LRBA: variants seen among roughly 807,000 people sequenced by gnomAD.
LRBA encodes LPS responsive beige-like anchor protein, also known as lipopolysaccharide-responsive and beige-like anchor protein.
In LRBA, 176 loss-of-function variants were observed where a neutral mutation model predicts 330.0. That is an observed-to-expected ratio of 0.53 (90% CI 0.47 to 0.60). The LOEUF (loss-of-function observed/expected upper bound fraction) is 0.60. Ranked by LOEUF, LRBA falls within the 20% of genes least tolerant of loss-of-function variation. The probability of loss-of-function intolerance (pLI) is 0.00; values close to 1 mark genes in which losing one functional copy is unlikely to be tolerated. For missense variants in LRBA, 3,259 were observed against 3,444.8 expected (o/e 0.95, Z 1.35); for synonymous variants, 1,230 against 1,193.0 (o/e 1.03, Z -0.64).
intron 42 of LRBA, among the ~76,000 whole-genome samples, chr4:150,481,992 T>C (rs1757354301): frequency 6.6e-6 from 1 of 152,144 alleles, no homozygotes; most frequent in African/African-American, 2.4e-5. Context: ...CTATACATCC[T>C]CATTAACTTT....
At chr4:150,809,864 C>CGATAT (rs1388499574) in intron 31 of LRBA, among the ~76,000 whole-genome samples, 6 of 39,704 alleles carry the variant, frequency 1.5e-4, no homozygotes, top group African/African-American at 6.3e-4. Context: ...CGATACGATA[C>CGATAT]GATACGATAC....
At chr4:150,547,184 G>A (rs569686431) in intron 40 of LRBA, among the ~76,000 whole-genome samples, 1 of 152,154 alleles carries the variant, frequency 6.6e-6, no homozygotes, top group African/African-American at 2.4e-5. Flanking sequence ...AATGAAATCT[G>A]AAACCTACTC....
intron 16 of LRBA, among the ~76,000 whole-genome samples, chr4:150,893,942 T>C (rs918460236): frequency 6.6e-6 from 1 of 152,356 alleles, no homozygotes; most frequent in African/African-American, 2.4e-5. Context: ...TCCAAAGTGC[T>C]GGGATTACAG....
rs529401168 is a variant in LRBA, at chr4:151,009,935, G to A, written c.216+4492C>T. 1.7e-4 allele frequency among the ~76,000 whole-genome samples: 26 copies of A among 152,016 alleles called. No homozygotes were observed. In the East Asian group the frequency reaches 3.1e-3, roughly 18 times the overall value. ...GCGGACCTTGCAGTGAGCCGAGATC[G>A]CGCCACTGCACTCCAGCATGGGGGA... On this transcript the variant is annotated intron_variant, in intron 2 of 56. Coordinates refer to ENST00000651943, the MANE Select transcript of LRBA (RefSeq NM_001364905.1).
At chr4:150,830,856 C>A (rs2126822664) in intron 29 of LRBA, among the ~76,000 whole-genome samples, 1 of 149,916 alleles carries the variant, frequency 6.7e-6, no homozygotes, top group East Asian at 2.0e-4. Flanking sequence ...CTCTGCCTCC[C>A]AAGTTCAAGC....
chr4:150,266,924 G>GTGT (rs1462445044), intron 56 of LRBA, among the ~76,000 whole-genome samples: 61 of 152,152 alleles, frequency 4.0e-4, no homozygotes, highest in Non-Finnish European at 6.9e-4. Flanking sequence ...ACTAATATCA[G>GTGT]ACAAAATAGT....
chr4:150,661,078 T>TAA lies in LRBA; in HGVS notation c.5921+22471_5921+22472dup, dbSNP rs559512113. Among the ~76,000 whole-genome samples, 186 of 102,580 alleles carry TAA rather than the reference T, an allele frequency of 1.8e-3. 3 individuals are homozygous for TAA. The East Asian group carries it at 0.037, about 20-fold the overall frequency. 67.3% of individuals were successfully genotyped at this position (102,580 alleles called of 152,430 possible). A position where few individuals can be genotyped will look rare whatever the true frequency, so the allele number is the denominator to read the frequency against. Reference sequence around the variant, plus strand: ...AAGAATTATCAATAAAAAAATAAATTAAAAAAAAAAAAAAAAAAAAAAGTT... The same window carrying TAA: ...AAGAATTATCAATAAAAAAATAAATTAAAAAAAAAAAAAAAAAAAAAAAAGTT... On this transcript the variant is annotated intron_variant, in intron 37 of 56. Coordinates refer to ENST00000651943, the MANE Select transcript of LRBA (RefSeq NM_001364905.1).
intron 2 of LRBA, among the ~76,000 whole-genome samples, chr4:150,972,681 G>T (rs1739715661): frequency 6.6e-6 from 1 of 152,142 alleles, no homozygotes; most frequent in Non-Finnish European, 1.5e-5. Flanking sequence ...AGAAAAACAT[G>T]TACTACTTTA....
intron 38 of LRBA, among the ~76,000 whole-genome samples, chr4:150,594,578 G>A (rs1413735842): frequency 1.3e-5 from 2 of 151,924 alleles, no homozygotes; most frequent in Admixed American, 6.6e-5. Flanking sequence ...CATGATTGCT[G>A]TTTAAATTTT....
intron 37 of LRBA, among the ~76,000 whole-genome samples, chr4:150,608,961 T>G (rs768658685): frequency 9.9e-5 from 15 of 152,256 alleles, no homozygotes; most frequent in Non-Finnish European, 2.1e-4. Context: ...CTGAATGATA[T>G]TTCATTGTGT....
At chr4:150,871,615 A>G (rs1398554551) in intron 18 of LRBA, among the ~76,000 whole-genome samples, 162 bp from the exon 19 acceptor site, 2 of 152,198 alleles carry the variant, frequency 1.3e-5, no homozygotes, top group Admixed American at 1.3e-4. Context: ...TTAAGGCCAC[A>G]AAACCTTTAA....
At chr4:150,414,430 C>T (rs553219469) in intron 47 of LRBA, among the ~76,000 whole-genome samples, 17 of 152,098 alleles carry the variant, frequency 1.1e-4, no homozygotes, top group Non-Finnish European at 1.9e-4. Context: ...AACAATGCAA[C>T]TGAGATTTCA....
Position 150,542,651 on chromosome 4 carries a change from G to T in LRBA, c.6330+45397C>A, listed in dbSNP as rs772900521. On this transcript the variant is annotated intron_variant, in intron 40 of 56. Coordinates refer to ENST00000651943, the MANE Select transcript of LRBA (RefSeq NM_001364905.1). ...AGCTAACGAGAAGAAATCAATAAAG[G>T]AAAGTTAATATAAACACAAAGCAAT... Among the ~76,000 whole-genome samples, 163 of 152,172 alleles carry T rather than the reference G, an allele frequency of 1.1e-3. 1 individual carries two copies. The highest frequency in any genetic ancestry group is 2.4e-3 in the Admixed American group (37 of 15,284).
intron 2 of LRBA, among the ~76,000 whole-genome samples, chr4:150,993,773 G>A (rs888957898): frequency 6.6e-6 from 1 of 152,068 alleles, no homozygotes; most frequent in African/African-American, 2.4e-5. Flanking sequence ...ACAGTATGGG[G>A]GAAACTGCCC....
intron 36 of LRBA, among the ~76,000 whole-genome samples, chr4:150,700,653 AT>A (rs1450248566): frequency 6.6e-6 from 1 of 152,144 alleles, no homozygotes; most frequent in African/African-American, 2.4e-5. Context: ...TAAACTTAAA[AT>A]TTTTTAAAAT....
intron 34 of LRBA, among the ~76,000 whole-genome samples, chr4:150,762,289 T>C (rs1417384664): frequency 6.6e-6 from 1 of 151,922 alleles, no homozygotes; most frequent in Admixed American, 6.6e-5. Flanking sequence ...AATTGATGAC[T>C]AGCAACTGAA....
chr4:150,982,971 T>C (rs1038301712), intron 2 of LRBA, among the ~76,000 whole-genome samples: 11 of 152,150 alleles, frequency 7.2e-5, no homozygotes, highest in African/African-American at 2.7e-4. Flanking sequence ...TCTGATGATT[T>C]TTCCACTTTA....
intron 2 of LRBA, among the ~76,000 whole-genome samples, chr4:150,933,002 G>C (rs1007339968): frequency 6.6e-6 from 1 of 152,016 alleles, no homozygotes; most frequent in African/African-American, 2.4e-5. Context: ...CAAACTACTA[G>C]AAATGTATAT....
chr4:150,730,106 C>A (rs947197993), intron 36 of LRBA, among the ~76,000 whole-genome samples: 2 of 152,080 alleles, frequency 1.3e-5, no homozygotes, highest in African/African-American at 4.8e-5. Flanking sequence ...TTCAGTAATA[C>A]CCCATAGTCA....
Sources: allele counts gnomAD v4.1 joint callset (sites outside exome capture counted in the v4.1 genomes callset), GRCh38; gene constraint gnomAD v4.1.1; transcripts MANE v1.5; gene names NCBI Gene and HGNC (gene_info 2026-07-23, HGNC 2026-07-21).